The following GRM7 variants were observed in gnomAD, a reference collection of about 807,000 sequenced individuals.
The protein encoded by GRM7 is metabotropic glutamate receptor 7.
GRM7 carries 35 observed loss-of-function variants against 84.5 expected under a neutral mutation model. The ratio of observed to expected loss-of-function variants is 0.41; its 90% CI spans 0.32 to 0.55. The LOEUF (loss-of-function observed/expected upper bound fraction) is 0.55, where lower values mean the gene tolerates loss of function less well. GRM7 is among the 20% of genes least tolerant of loss of function. GRM7 has a pLI of 0.19. For synonymous variants in GRM7, 487 were observed against 455.1 expected (o/e 1.07, Z -0.89); for missense variants, 1,003 against 1,194.6 (o/e 0.84, Z 2.36).
intron 5 of GRM7, among the ~76,000 whole-genome samples, chr3:7,444,350 C>A (rs563057980): frequency 4.0e-4 from 61 of 152,084 alleles, no homozygotes; most frequent in Non-Finnish European, 7.1e-4. Context: ...GAGGAGCAAT[C>A]AAAATTGTTG....
intron 1 of GRM7, among the ~76,000 whole-genome samples, chr3:7,105,501 T>C (rs1699260267): frequency 6.6e-6 from 1 of 151,942 alleles, no homozygotes; most frequent in Non-Finnish European, 1.5e-5. Context: ...CTTAGTAGAC[T>C]AAGTTGATCA....
chr3:7,064,479 T>TATATATATATATATATACACACACACAC, intron 1 of GRM7, among the ~76,000 whole-genome samples: 9 of 99,384 alleles, frequency 9.1e-5, no homozygotes, highest in Admixed American at 8.4e-4. Flanking sequence ...TATATATATA[T>TATATATATATATATATACACACACACAC]ACACACATAT....
At chr3:7,395,676 C>A (rs572587627) in intron 4 of GRM7, among the ~76,000 whole-genome samples, 31 of 152,274 alleles carry the variant, frequency 2.0e-4, no homozygotes, top group African/African-American at 7.2e-4. Flanking sequence ...AGCTCTCTTG[C>A]CTGCTGCCAT....
At chr3:7,451,641 C>T (rs972527927) in intron 5 of GRM7, 32 of 152,034 alleles carry the variant, frequency 2.1e-4, no homozygotes, top group African/African-American at 7.7e-4. Flanking sequence ...TGTAAATGAC[C>T]TTTGGAAGGT....
At chr3:7,403,622 G>GATATATATATATATATATATAT (rs59465377) in intron 4 of GRM7, among the ~76,000 whole-genome samples, 5 of 126,950 alleles carry the variant, frequency 3.9e-5, no homozygotes, top group South Asian at 2.5e-4. Context: ...GAGTAATTCT[G>GATATATATATATATATATATAT]ATATATATAT....
intron 1 of GRM7, among the ~76,000 whole-genome samples, chr3:7,010,955 TC>T: frequency 6.6e-6 from 1 of 152,296 alleles, no homozygotes; most frequent in South Asian, 2.1e-4. Flanking sequence ...AGTAGGGACT[TC>T]CAGTTCTCTC....
At chr3:7,469,854 C>G (rs1336225917) in intron 7 of GRM7, among the ~76,000 whole-genome samples, 1 of 152,120 alleles carries the variant, frequency 6.6e-6, no homozygotes, top group Non-Finnish European at 1.5e-5. Flanking sequence ...TACTGCTTCC[C>G]ATTTGTCAGT....
rs567277883 is a variant in GRM7 at position 7,328,843 on chromosome 3, T to C, written c.1033+22191T>C. On this transcript the variant is annotated intron_variant, in intron 4 of 9. Coordinates refer to ENST00000357716, the MANE Select transcript of GRM7 (RefSeq NM_000844.4). ...GGTGCCCAGGGCCGAGTTTTGCAGATAGTAGAAACCCTAGTAAGTTTGCAT... is the reference window on the plus strand; with the variant it reads ...GGTGCCCAGGGCCGAGTTTTGCAGACAGTAGAAACCCTAGTAAGTTTGCAT... Among the ~76,000 whole-genome samples, 16 of 152,200 alleles carry C rather than the reference T, an allele frequency of 1.1e-4. No individual in the cohort carries two copies. The East Asian group carries it at 1.9e-3, about 18-fold the overall frequency.
At chr3:7,403,854 T>C (rs1340094431) in intron 4 of GRM7, among the ~76,000 whole-genome samples, 3 of 151,802 alleles carry the variant, frequency 2.0e-5, no homozygotes, top group Non-Finnish European at 4.4e-5. Context: ...GATAGATAGA[T>C]AGATATGCTC....
intron 9 of GRM7, among the ~76,000 whole-genome samples, chr3:7,686,822 A>G (rs1424757481): frequency 2.6e-5 from 4 of 152,148 alleles, no homozygotes; most frequent in African/African-American, 7.2e-5. Flanking sequence ...AGTGTGGAAA[A>G]CCTACAAGGA....
chr3:7,157,304 T>A (rs1283313132), intron 2 of GRM7, among the ~76,000 whole-genome samples: 1 of 152,142 alleles, frequency 6.6e-6, no homozygotes, highest in Non-Finnish European at 1.5e-5. Context: ...ACATAGAATC[T>A]TGATACCCAA....
intron 9 of GRM7, among the ~76,000 whole-genome samples, chr3:7,685,502 A>G (rs924211698): frequency 1.3e-5 from 2 of 152,062 alleles, no homozygotes; most frequent in African/African-American, 4.8e-5. Context: ...GGATGTGGAG[A>G]TGTATGACTG....
chr3:7,305,350 T>TAGAAAACTGTCA (rs1312958587), intron 3 of GRM7, among the ~76,000 whole-genome samples: 16 of 45,030 alleles, frequency 3.6e-4, no homozygotes, highest in South Asian at 1.7e-3. Context: ...TTTCTTTTTT[T>TAGAAAACTGTCA]TTTTTTTTAA....
intron 1 of GRM7, among the ~76,000 whole-genome samples, chr3:7,100,721 C>T (rs991163918): frequency 6.6e-6 from 1 of 151,694 alleles, no homozygotes; most frequent in African/African-American, 2.4e-5. Flanking sequence ...CCCATATAAT[C>T]ATTACTCCTA....
chr3:7,535,437 G>C (rs1412084517), intron 7 of GRM7, among the ~76,000 whole-genome samples: 1 of 152,206 alleles, frequency 6.6e-6, no homozygotes, highest in Non-Finnish European at 1.5e-5. Context: ...GGAGCCGGCT[G>C]AGGTGACCAC....
At chr3:7,308,040 A>T (rs1700255901) in intron 4 of GRM7, among the ~76,000 whole-genome samples, 1 of 152,182 alleles carries the variant, frequency 6.6e-6, no homozygotes, top group Admixed American at 6.5e-5. Flanking sequence ...CTGGGATGAA[A>T]GTTCCCTCAG....
At chr3:7,259,125 A>G (rs755778097) in intron 2 of GRM7, among the ~76,000 whole-genome samples, 1 of 152,152 alleles carries the variant, frequency 6.6e-6, no homozygotes, top group Non-Finnish European at 1.5e-5. Context: ...TCTCTTTTCT[A>G]TCCATTTTTG....
chr3:7,177,264 T>C (rs1294226700), intron 2 of GRM7, among the ~76,000 whole-genome samples: 1 of 152,174 alleles, frequency 6.6e-6, no homozygotes, highest in Non-Finnish European at 1.5e-5. Context: ...ATCTTTTTGC[T>C]CCATGCAATC....
At chr3:7,534,262 C>T (rs1701157684) in intron 7 of GRM7, among the ~76,000 whole-genome samples, 1 of 152,156 alleles carries the variant, frequency 6.6e-6, no homozygotes, top group Non-Finnish European at 1.5e-5. Flanking sequence ...AATCTGCCTT[C>T]TTCAGCCTCC....
Sources: gnomAD v4.1 joint callset for allele counts (sites outside exome capture counted in the v4.1 genomes callset) on GRCh38, gnomAD v4.1.1 for gene constraint, MANE v1.5 for transcripts, NCBI Gene and HGNC (gene_info 2026-07-23, HGNC 2026-07-21) for gene names.